SIPA1L1: variants seen among roughly 807,000 people sequenced by gnomAD.
The protein encoded by SIPA1L1 is signal-induced proliferation-associated 1-like protein 1.
SIPA1L1 carries 26 observed loss-of-function variants against 162.7 expected under a neutral mutation model. The observed-to-expected ratio is 0.16, with a 90% CI of 0.12 to 0.22. SIPA1L1 has a LOEUF of 0.22. Among genes scored for constraint, SIPA1L1 ranks in the 10% least tolerant of loss-of-function variants. The pLI is 1.00. For synonymous variants in SIPA1L1, 829 were observed against 837.4 expected (o/e 0.99, Z 0.17); for missense variants, 1,874 against 2,241.0 (o/e 0.84, Z 3.31).
chr14:71,512,201 C>T (rs2051212902), intron 2 of SIPA1L1, among the ~76,000 whole-genome samples: 2 of 152,138 alleles, frequency 1.3e-5, no homozygotes, highest in African/African-American at 4.8e-5. Flanking sequence ...GGACTAAACT[C>T]TGACCTTTTT....
intron 4 of SIPA1L1, among the ~76,000 whole-genome samples, chr14:71,563,362 T>C (rs78287241): frequency 0.083 from 12,609 of 151,938 alleles, 653 homozygotes; most frequent in Non-Finnish European, 0.11. Flanking sequence ...ATTTTTTCTG[T>C]CTTCTTTTGG....
At chr14:71,537,732 C>A (rs1595965519) in intron 4 of SIPA1L1, among the ~76,000 whole-genome samples, 1 of 149,714 alleles carries the variant, frequency 6.7e-6, no homozygotes. Context: ...AGAAGTTTTA[C>A]TTTCTTCTAA....
intron 17 of SIPA1L1, among the ~76,000 whole-genome samples, chr14:71,714,435 T>G (rs1026783854): frequency 1.3e-5 from 2 of 152,192 alleles, no homozygotes; most frequent in Admixed American, 6.5e-5. Context: ...CAAGTGTCAT[T>G]AAATCATAAG....
rs915833589 is a variant in SIPA1L1, at chr14:71,377,362, C to T, written c.-465+56181C>T. 2.0e-5 allele frequency among the ~76,000 whole-genome samples: 3 copies of T among 150,702 alleles called. No homozygotes were observed. Among genetic ancestry groups the T allele is most frequent in the Admixed American group, 6.6e-5 (1 of 15,188 alleles). On this transcript the variant is annotated intron_variant, in intron 2 of 23. Transcript: ENST00000381232. The surrounding 1 kb of genome is among the most constrained non-coding windows in gnomAD (Gnocchi z 4.8). ...GACGGGGCGGCCGGGCGGAGGCACTCCTCAGTTCCCAGACGGGGTCGCGGC... is the reference window on the plus strand; with the variant it reads ...GACGGGGCGGCCGGGCGGAGGCACTTCTCAGTTCCCAGACGGGGTCGCGGC...
intron 4 of SIPA1L1, among the ~76,000 whole-genome samples, chr14:71,571,062 T>TTATAGTGATTATAGTGCTTAAA (rs1183767148): frequency 2.0e-5 from 3 of 152,224 alleles, no homozygotes; most frequent in Non-Finnish European, 4.4e-5. Flanking sequence ...TCCAAAGTGC[T>TTATAGTGATTATAGTGCTTAAA]GGGATTATAG....
At chr14:71,615,251 T>C (rs941372440) in intron 5 of SIPA1L1, among the ~76,000 whole-genome samples, 2 of 152,176 alleles carry the variant, frequency 1.3e-5, no homozygotes, top group Non-Finnish European at 2.9e-5. Context: ...TTTAGTATCA[T>C]TGGTTTTCAA....
At chr14:71,344,665 TC>T (rs1417729692) in intron 2 of SIPA1L1, among the ~76,000 whole-genome samples, 1 of 152,190 alleles carries the variant, frequency 6.6e-6, no homozygotes, top group African/African-American at 2.4e-5. Context: ...GCTCAAGTGA[TC>T]CTCTCACTTC....
intron 2 of SIPA1L1, among the ~76,000 whole-genome samples, chr14:71,488,194 A>G (rs145554003): frequency 6.6e-6 from 1 of 152,340 alleles, no homozygotes; most frequent in African/African-American, 2.4e-5. Flanking sequence ...GAGAGAAGGC[A>G]GACCTTGTTA....
intron 2 of SIPA1L1, among the ~76,000 whole-genome samples, chr14:71,424,681 G>A (rs1187329526): frequency 2.0e-5 from 3 of 151,968 alleles, no homozygotes; most frequent in Non-Finnish European, 4.4e-5. Context: ...CCAATATTTT[G>A]TTGAGGATTT....
At chr14:71,321,484 C>T (rs901064888) in intron 2 of SIPA1L1, 4 of 152,510 alleles carry the variant, frequency 2.6e-5, no homozygotes, top group African/African-American at 9.6e-5. Flanking sequence ...TGCGTCCACC[C>T]CGCTGAGCTG....
chr14:71,467,203 A>T (rs752248629), intron 2 of SIPA1L1: 2 of 152,146 alleles, frequency 1.3e-5, no homozygotes, highest in Non-Finnish European at 2.9e-5. Flanking sequence ...TTACAAATGC[A>T]CCGTTGGATT....
intron 17 of SIPA1L1, among the ~76,000 whole-genome samples, chr14:71,721,224 G>T (rs1037433126): frequency 2.0e-5 from 3 of 152,160 alleles, no homozygotes; most frequent in African/African-American, 7.2e-5. Context: ...TGCTTTGATG[G>T]GCTTGGACAG....
chr14:71,584,229 A>G (rs1481377447), intron 4 of SIPA1L1, among the ~76,000 whole-genome samples: 3 of 152,192 alleles, frequency 2.0e-5, no homozygotes, highest in African/African-American at 7.2e-5. Context: ...AGAGAGGTTC[A>G]GGATGGAGGA....
chr14:71,622,379 G>A (rs1266943035), intron 6 of SIPA1L1, among the ~76,000 whole-genome samples: 1 of 152,170 alleles, frequency 6.6e-6, no homozygotes, highest in Non-Finnish European at 1.5e-5. Context: ...AAAAATATCA[G>A]TAATACTAGT....
intron 5 of SIPA1L1, among the ~76,000 whole-genome samples, chr14:71,598,627 A>G (rs1477695047): frequency 6.6e-6 from 1 of 152,248 alleles, no homozygotes. Context: ...TTAAAAAGAC[A>G]TAACAACAAA....
At chr14:71,466,370 G>T (rs1595605974) in intron 2 of SIPA1L1, among the ~76,000 whole-genome samples, 3 of 152,164 alleles carry the variant, frequency 2.0e-5, no homozygotes, top group Admixed American at 1.3e-4. Flanking sequence ...CAGGCGGATT[G>T]CATCTAAGAG....
intron 2 of SIPA1L1, among the ~76,000 whole-genome samples, chr14:71,380,545 C>G (rs1346060657): frequency 6.6e-6 from 1 of 152,136 alleles, no homozygotes; most frequent in Non-Finnish European, 1.5e-5. Flanking sequence ...TGCCTTTGGC[C>G]TCTGGACAAA....
intron 2 of SIPA1L1, among the ~76,000 whole-genome samples, chr14:71,368,316 C>T (rs1439068895): frequency 7.2e-6 from 1 of 139,506 alleles, no homozygotes; most frequent in African/African-American, 2.7e-5. Flanking sequence ...CCCGCTCCCC[C>T]CACCCCACCA....
At position 71,581,113 on chromosome 14, in the gene SIPA1L1, A is replaced by AT. The variant is rs922934721; in HGVS notation, c.-302-6447dup. ...TAGGATGCATGATATAAAATGTTTGATTTTTTTTTTTAAGTGAGTCCATGG... is the reference window on the plus strand; with the variant it reads ...TAGGATGCATGATATAAAATGTTTGATTTTTTTTTTTTAAGTGAGTCCATGG... On this transcript the variant is annotated intron_variant, in intron 4 of 23. Transcript: ENST00000381232. Among the ~76,000 whole-genome samples, 59 of 147,562 alleles carry AT rather than the reference A, an allele frequency of 4.0e-4. 1 individual carries two copies. Among genetic ancestry groups the AT allele is most frequent in the East Asian group, 7.9e-4 (4 of 5,060 alleles).
Sources: allele counts gnomAD v4.1 joint callset (sites outside exome capture counted in the v4.1 genomes callset), GRCh38; gene constraint gnomAD v4.1.1; non-coding constraint Gnocchi (gnomAD v3.1); transcripts MANE v1.5; gene names NCBI Gene and HGNC (gene_info 2026-07-23, HGNC 2026-07-21).